The following PTPRD variants were observed in gnomAD, a reference collection of about 807,000 sequenced individuals.
The protein encoded by PTPRD is protein tyrosine phosphatase receptor type D.
In PTPRD, 34 loss-of-function variants were observed where a neutral mutation model predicts 214.5. That is an observed-to-expected ratio of 0.16 (90% CI 0.12 to 0.21). PTPRD has a LOEUF of 0.21. PTPRD is among the 10% of genes least tolerant of loss of function. The probability of loss-of-function intolerance (pLI) is 1.00; values close to 1 mark genes in which losing one functional copy is unlikely to be tolerated. For synonymous variants in PTPRD, 1,128 were observed against 845.7 expected, an observed-to-expected ratio of 1.33 and a Z score of -5.79; for missense variants, 2,545 against 2,398.7, an observed-to-expected ratio of 1.06 and a Z score of -1.27.
chr9:8,342,774 T>C (rs1853732428), intron 39 of PTPRD, among the ~76,000 whole-genome samples: 3 of 152,120 alleles, frequency 2.0e-5, no homozygotes, highest in Admixed American at 2.0e-4. Flanking sequence ...GACATAAAGA[T>C]GACTTAGATG....
intron 3 of PTPRD, among the ~76,000 whole-genome samples, chr9:10,282,936 C>G (rs1427549495): frequency 5.9e-5 from 9 of 152,150 alleles, no homozygotes; most frequent in Non-Finnish European, 1.2e-4. Flanking sequence ...ATCTGTCTAT[C>G]ACATAGCACC....
chr9:8,906,376 T>C (rs1040658794), intron 11 of PTPRD, among the ~76,000 whole-genome samples: 1 of 152,220 alleles, frequency 6.6e-6, no homozygotes, highest in African/African-American at 2.4e-5. Flanking sequence ...AGATAGATTC[T>C]GACTTTGTCA....
intron 11 of PTPRD, among the ~76,000 whole-genome samples, chr9:8,819,658 A>G (rs1259988023): frequency 6.6e-6 from 1 of 152,088 alleles, no homozygotes; most frequent in African/African-American, 2.4e-5. Context: ...AAGACTCTGG[A>G]TCAAAAAAAA....
At chr9:8,461,099 T>C (rs759169934) in intron 32 of PTPRD, among the ~76,000 whole-genome samples, 14 of 152,082 alleles carry the variant, frequency 9.2e-5, no homozygotes, top group Non-Finnish European at 1.6e-4. Context: ...TGCTTCTTAG[T>C]GCTTGGTACT....
intron 11 of PTPRD, among the ~76,000 whole-genome samples, chr9:8,844,652 A>G (rs768599396): frequency 8.5e-5 from 13 of 152,202 alleles, no homozygotes; most frequent in Admixed American, 3.3e-4. Context: ...AATAGCTGCC[A>G]CAAATCCTTT....
intron 3 of PTPRD, among the ~76,000 whole-genome samples, chr9:10,131,239 C>G (rs1175609459): frequency 1.3e-5 from 2 of 152,084 alleles, no homozygotes; most frequent in Non-Finnish European, 2.9e-5. Flanking sequence ...AGTCAAAGCT[C>G]TGAGATGAAA....
chr9:9,023,136 C>T (rs916625716), intron 10 of PTPRD, among the ~76,000 whole-genome samples: 5 of 152,080 alleles, frequency 3.3e-5, no homozygotes, highest in African/African-American at 9.7e-5. Flanking sequence ...AAAGTGCACA[C>T]AAATGCTTTG....
At chr9:9,520,491 A>G (rs2096942568) in intron 8 of PTPRD, among the ~76,000 whole-genome samples, 1 of 151,992 alleles carries the variant, frequency 6.6e-6, no homozygotes, top group South Asian at 2.1e-4. Flanking sequence ...ATTCCCATGC[A>G]TTTGTGTGTT....
chr9:9,974,157 A>G (rs2095263402), intron 4 of PTPRD, among the ~76,000 whole-genome samples: 1 of 152,204 alleles, frequency 6.6e-6, no homozygotes, highest in Admixed American at 6.5e-5. Flanking sequence ...TTTCTATTCT[A>G]TGTATCAGAG....
At chr9:10,421,254 C>T (rs2098543070) in intron 2 of PTPRD, among the ~76,000 whole-genome samples, 1 of 151,748 alleles carries the variant, frequency 6.6e-6, no homozygotes, top group African/African-American at 2.4e-5. Context: ...GTGCACATGC[C>T]ACTTAGACCT....
intron 9 of PTPRD, among the ~76,000 whole-genome samples, chr9:9,348,626 G>T (rs1035055569): frequency 1.3e-5 from 2 of 152,092 alleles, no homozygotes; most frequent in Admixed American, 6.6e-5. Flanking sequence ...GGGGACAGGA[G>T]TTGGGGTAAG....
chr9:10,455,452 A>G (rs2098904576), intron 2 of PTPRD, among the ~76,000 whole-genome samples: 1 of 151,668 alleles, frequency 6.6e-6, no homozygotes. Context: ...CCTATCCTTT[A>G]AGTCATACTT....
chr9:9,344,328 G>A (rs2047994793), intron 9 of PTPRD, among the ~76,000 whole-genome samples: 1 of 151,888 alleles, frequency 6.6e-6, no homozygotes, highest in Non-Finnish European at 1.5e-5. Context: ...GCCTGTCGGG[G>A]GTTTGGGGGG....
At chr9:9,187,870 C>A (rs2099932624) in intron 9 of PTPRD, among the ~76,000 whole-genome samples, 1 of 151,622 alleles carries the variant, frequency 6.6e-6, no homozygotes, top group Non-Finnish European at 1.5e-5. Context: ...ACAAGCAGGA[C>A]TTCTTGGAAT....
chr9:9,863,039 T>C (rs1369292096), intron 5 of PTPRD, among the ~76,000 whole-genome samples: 3 of 152,216 alleles, frequency 2.0e-5, no homozygotes, highest in Non-Finnish European at 4.4e-5. Context: ...GTAGCTCTTT[T>C]TTGAGATTTT....
chr9:9,101,764 T>C (rs975599042), intron 10 of PTPRD, among the ~76,000 whole-genome samples: 68 of 152,312 alleles, frequency 4.5e-4, no homozygotes, highest in African/African-American at 1.4e-3. Flanking sequence ...CCCACATGTA[T>C]AGTAATTGAG....
chr9:9,023,123 G>C (rs1404409757), intron 10 of PTPRD, among the ~76,000 whole-genome samples: 1 of 152,068 alleles, frequency 6.6e-6, no homozygotes, highest in African/African-American at 2.4e-5. Context: ...GAATAAGTGG[G>C]ATAAAGTGCA....
chr9:8,940,279 C>CATTTTTTTTTTTT (rs567895822), intron 11 of PTPRD, among the ~76,000 whole-genome samples: 1 of 89,348 alleles, frequency 1.1e-5, no homozygotes, highest in African/African-American at 4.2e-5. Context: ...CTCTCTCTCT[C>CATTTTTTTTTTTT]CTTTTTTTTT....
At position 8,859,323 on chromosome 9, in the gene PTPRD, G is replaced by C. The variant is rs146785576; in HGVS notation, c.-103-125377C>G. Among the ~76,000 whole-genome samples, 400 of 152,276 alleles carry C rather than the reference G, an allele frequency of 2.6e-3. 2 individuals carry two copies. Among genetic ancestry groups the C allele is most frequent in the African/African-American group, 9.2e-3 (381 of 41,546 alleles). ...TGCACTCTTCATCCACACAACCCAAGGTGACTAAGGTGCACTGTGTGTATT... is the reference window on the plus strand; with the variant it reads ...TGCACTCTTCATCCACACAACCCAACGTGACTAAGGTGCACTGTGTGTATT... On this transcript the variant is annotated intron_variant, in intron 11 of 45. Coordinates refer to ENST00000381196, the MANE Select transcript of PTPRD (RefSeq NM_002839.4).
Sources: gnomAD v4.1 joint callset for allele counts (sites outside exome capture counted in the v4.1 genomes callset) on GRCh38, gnomAD v4.1.1 for gene constraint, MANE v1.5 for transcripts, NCBI Gene and HGNC (gene_info 2026-07-23, HGNC 2026-07-21) for gene names.